The following WNK2 variants were observed in gnomAD, a reference collection of about 807,000 sequenced individuals.
WNK2 encodes the protein serine/threonine-protein kinase WNK2.
Under a neutral mutation model 192.1 loss-of-function variants are expected in WNK2, and 67 were observed. That is an observed-to-expected ratio of 0.35 (90% CI 0.29 to 0.43). WNK2 has a LOEUF of 0.43. Among genes scored for constraint, WNK2 ranks in the 20% least tolerant of loss-of-function variants. WNK2 has a pLI of 1.00. For synonymous variants in WNK2, 1,439 were observed against 1,393.9 expected (o/e 1.03, Z -0.72); for missense variants, 2,698 against 3,089.7 (o/e 0.87, Z 3.01).
At chr9:93,258,822 C>A in intron 11 of WNK2, 109 bp from the exon 12 acceptor site, 1 of 949,842 alleles carries the variant, frequency 1.1e-6, no homozygotes, top group Non-Finnish European at 1.6e-6. Flanking sequence ...ATGCTGTCTT[C>A]ATCCCGTGTC....
intron 28 of WNK2, chr9:93,308,950 C>T: frequency 1.8e-6 from 2 of 1,093,750 alleles, no homozygotes; most frequent in Non-Finnish European, 2.2e-6. Flanking sequence ...TGTTTGTGCC[C>T]AGGCTGGAGA....
chr9:93,285,293 A>T (rs1029788778), intron 19 of WNK2, among the ~76,000 whole-genome samples: 6 of 152,228 alleles, frequency 3.9e-5, no homozygotes, highest in African/African-American at 1.4e-4. Context: ...TTAAAAAGTG[A>T]TAAGGATTGG....
At position 93,318,644 on chromosome 9, in the gene WNK2, G is replaced by A; in HGVS notation, c.6628+1013G>A. 5 of 1,563,238 alleles carry A rather than the reference G, an allele frequency of 3.2e-6. No individual in the cohort carries two copies. The South Asian group carries it at 6.0e-5, about 19-fold the overall frequency. ...TGCAGCTCCTCCAGCTGGAGAGGCT[G>A]CCCTCTCTCCTGCCCACTTCCCTCC... On this transcript the variant is annotated intron_variant, in intron 29 of 29. Transcript: ENST00000427277.
intron 23 of WNK2, among the ~76,000 whole-genome samples, chr9:93,294,263 A>T (rs925583861): frequency 1.3e-5 from 2 of 152,124 alleles, no homozygotes; most frequent in African/African-American, 4.8e-5. Context: ...TACATTGAGG[A>T]TATAGTGAGT....
At chr9:93,269,130 G>C (rs1489574115) in intron 19 of WNK2, among the ~76,000 whole-genome samples, 2 of 151,946 alleles carry the variant, frequency 1.3e-5, no homozygotes, top group African/African-American at 4.8e-5. Context: ...CTTGCTTTGG[G>C]GGGTGGGGTG....
In WNK2 at chr9:93,292,320, C is replaced by T; in HGVS notation, c.4949C>T (p.Pro1650Leu). The T allele has an allele frequency of 6.2e-7, 1 of 1,613,892 alleles. No individual in the cohort carries two copies. The highest frequency in any genetic ancestry group is 1.1e-5 in the South Asian group (1 of 91,082). Residue 1650 changes from proline to leucine, a missense_variant, in exon 22 of 30, where the codon CCC becomes CTC. By Grantham distance (98) the Pro-to-Leu change is moderately conservative. Around this residue, in one of 7 missense-constraint regions of WNK2, gnomAD observed 1,098 missense variants for 1,101.0 expected, o/e 1.00. Coordinates refer to ENST00000427277, the MANE Select transcript of WNK2 (RefSeq NM_006648.4). ...GATGTTCCCATAGCAGAGTCGTCTC[C>T]CAGGAGTATGCTAGGCTATGACAGA... The part of the protein sequence containing the change: ...TSSSMTAESS[P>L]RSMLGYDRDG...
At chr9:93,216,011 C>T (rs1007194193) in intron 2 of WNK2, among the ~76,000 whole-genome samples, 3 of 152,182 alleles carry the variant, frequency 2.0e-5, no homozygotes, top group Non-Finnish European at 4.4e-5. Context: ...ATATTAACCC[C>T]GTCTGGAATT....
chr9:93,217,868 C>A (rs1156393233), intron 2 of WNK2, among the ~76,000 whole-genome samples: 3 of 151,772 alleles, frequency 2.0e-5, no homozygotes, highest in Non-Finnish European at 2.9e-5. Context: ...CCACCTAGGG[C>A]CTCTGGGGAG....
At chr9:93,227,706 ACC>A (rs1174937496) in intron 2 of WNK2, among the ~76,000 whole-genome samples, 1 of 150,054 alleles carries the variant, frequency 6.7e-6, no homozygotes, top group Non-Finnish European at 1.5e-5. Flanking sequence ...CTGCTGTGTT[ACC>A]CATGCTGGTC....
At chr9:93,315,648 A>C (rs948006902) in intron 28 of WNK2, 2 of 152,202 alleles carry the variant, frequency 1.3e-5, no homozygotes, top group African/African-American at 4.8e-5. Flanking sequence ...TCTCCTTCTT[A>C]GTGCCTCAGA....
chr9:93,214,363 G>T (rs192769122), intron 2 of WNK2, among the ~76,000 whole-genome samples: 33 of 152,178 alleles, frequency 2.2e-4, no homozygotes, highest in African/African-American at 7.9e-4. Flanking sequence ...GAATGCAGTG[G>T]CATGATCTCG....
At chr9:93,269,862 C>T (rs1165398130) in intron 19 of WNK2, among the ~76,000 whole-genome samples, 1 of 152,044 alleles carries the variant, frequency 6.6e-6, no homozygotes, top group Non-Finnish European at 1.5e-5. Context: ...AAATTGGTGG[C>T]AGATCTGTTA....
In WNK2 at chr9:93,247,452, T is replaced by A; in HGVS notation, c.1543-91T>A. 7.0e-7 allele frequency: 1 copy of A among 1,420,984 alleles called. No homozygotes were observed. Among genetic ancestry groups the A allele is most frequent in the South Asian group, 1.3e-5 (1 of 77,300 alleles). The allele number at this position is 1,420,984 out of a possible 1,614,324, so 88.0% of individuals were successfully genotyped here. On this transcript the variant is annotated intron_variant, in intron 7 of 29. Coordinates refer to ENST00000427277, the MANE Select transcript of WNK2 (RefSeq NM_006648.4). This position sits in a 1 kb window ranked among gnomAD's most constrained non-coding sequence, Gnocchi z 5.2. ...GGATGGCGAGCGTGTCCTGCGTGGA[T>A]GAGCCAGTGATGGGAAAGCACTTTA...
At chr9:93,193,365 C>T (rs1016759587) in intron 2 of WNK2, among the ~76,000 whole-genome samples, 1 of 152,140 alleles carries the variant, frequency 6.6e-6, no homozygotes, top group Non-Finnish European at 1.5e-5. Flanking sequence ...ATGTGTTTCA[C>T]CTGAGCACAC....
chr9:93,275,776 C>G (rs980675099), intron 19 of WNK2, among the ~76,000 whole-genome samples: 2 of 152,200 alleles, frequency 1.3e-5, no homozygotes, highest in African/African-American at 4.8e-5. Context: ...ACGCAGTCAT[C>G]ATACAAAAAT....
chr9:93,300,265 C>G, intron 26 of WNK2, 116 bp downstream of exon 26: 2 of 828,556 alleles, frequency 2.4e-6, no homozygotes, highest in Non-Finnish European at 3.9e-6. Context: ...CCCACCCCAT[C>G]GAAGTCACCT....
chr9:93,187,541 T>C (rs1829558225), intron 2 of WNK2, among the ~76,000 whole-genome samples: 1 of 152,160 alleles, frequency 6.6e-6, no homozygotes, highest in Non-Finnish European at 1.5e-5. Context: ...GGGTTTTCCA[T>C]GAGAGGGAGT....
At chr9:93,227,117 C>CT (rs34529839) in intron 2 of WNK2, among the ~76,000 whole-genome samples, 20,092 of 137,522 alleles carry the variant, frequency 0.15, 1,559 homozygotes, top group South Asian at 0.27. Context: ...AAGTATCCAC[C>CT]TTTTTTTTTT....
chr9:93,297,805 G>C (rs1433647732), intron 23 of WNK2, 48 bp from the exon 24 acceptor site: 1 of 1,524,204 alleles, frequency 6.6e-7, no homozygotes, highest in Admixed American at 2.0e-5. Context: ...GGCGGTGTTG[G>C]AAACACCGAG....
Sources: gnomAD v4.1 joint callset for allele counts (sites outside exome capture counted in the v4.1 genomes callset) on GRCh38, gnomAD v4.1.1 for gene constraint, gnomAD v4.1.1 regional missense constraint, Gnocchi (gnomAD v3.1) non-coding constraint, MANE v1.5 for transcripts, NCBI Gene and HGNC (gene_info 2026-07-23, HGNC 2026-07-21) for gene names.